DNAJC6: variants seen among roughly 807,000 people sequenced by gnomAD.
DNAJC6 encodes DnaJ heat shock protein family (Hsp40) member C6.
A neutral mutation model predicts 110.0 loss-of-function variants in DNAJC6; 34 were observed. The observed-to-expected ratio is 0.31, with a 90% CI of 0.24 to 0.41. The LOEUF (loss-of-function observed/expected upper bound fraction) is 0.41. Among genes scored for constraint, DNAJC6 ranks in the 10% least tolerant of loss-of-function variants. The probability of loss-of-function intolerance (pLI) is 1.00; values close to 1 mark genes in which losing one functional copy is unlikely to be tolerated. For synonymous variants in DNAJC6, 406 were observed against 437.2 expected (o/e 0.93, Z 0.89); for missense variants, 1,031 against 1,207.8 (o/e 0.85, Z 2.17).
intron 13 of DNAJC6, 126 bp from the exon 14 acceptor site, chr1:65,398,687 G>C: frequency 1.2e-6 from 1 of 833,184 alleles, no homozygotes; most frequent in Non-Finnish European, 1.9e-6. Flanking sequence ...AAGGAGGAGT[G>C]GATATCTTGG....
chr1:65,311,117 G>A (rs1645095137), intron 1 of DNAJC6, among the ~76,000 whole-genome samples: 1 of 150,462 alleles, frequency 6.6e-6, no homozygotes, highest in Non-Finnish European at 1.5e-5. Flanking sequence ...ACTCATTGAA[G>A]CTCTTATTGA....
At chr1:65,277,891 C>G in intron 1 of DNAJC6, among the ~76,000 whole-genome samples, 1 of 152,154 alleles carries the variant, frequency 6.6e-6, no homozygotes. Context: ...TAAGCAAGAG[C>G]TTCCAAGTAA....
chr1:65,393,673 C>A (rs2101616074), intron 12 of DNAJC6, among the ~76,000 whole-genome samples: 1 of 152,188 alleles, frequency 6.6e-6, no homozygotes. Context: ...GTTGGGTAAG[C>A]AGAGATCCAG....
chr1:65,364,935 A>G (rs1645632035), intron 2 of DNAJC6, 150 bp downstream of exon 2: 8 of 1,142,754 alleles, frequency 7.0e-6, no homozygotes, highest in Non-Finnish European at 8.7e-6. Flanking sequence ...TTGAAGACAT[A>G]AAGTTAAGTC....
chr1:65,296,055 G>A (rs1328965173), intron 1 of DNAJC6, among the ~76,000 whole-genome samples: 1 of 152,138 alleles, frequency 6.6e-6, no homozygotes, highest in Non-Finnish European at 1.5e-5. Context: ...GCAGTCTTCT[G>A]CCTTCTTTTG....
intron 1 of DNAJC6, among the ~76,000 whole-genome samples, chr1:65,313,291 G>C (rs1645119471): frequency 6.6e-6 from 1 of 151,434 alleles, no homozygotes; most frequent in Non-Finnish European, 1.5e-5. Flanking sequence ...AAACTCCTGG[G>C]CTCAAGCGAT....
chr1:65,346,074 C>T (rs551167321), intron 1 of DNAJC6, among the ~76,000 whole-genome samples: 1 of 152,258 alleles, frequency 6.6e-6, no homozygotes, highest in South Asian at 2.1e-4. Context: ...CTAGGATTCA[C>T]CTTCAGACTG....
intron 17 of DNAJC6, among the ~76,000 whole-genome samples, chr1:65,410,761 G>A (rs541493705): frequency 2.6e-5 from 4 of 152,288 alleles, no homozygotes; most frequent in East Asian, 3.9e-4. Context: ...ATTTGGTTCC[G>A]AGATACAGTG....
intron 13 of DNAJC6, among the ~76,000 whole-genome samples, chr1:65,395,544 T>C (rs1570369739): frequency 6.6e-6 from 1 of 152,204 alleles, no homozygotes; most frequent in African/African-American, 2.4e-5. Context: ...GTGGCTAGTC[T>C]GATTTGAGAT....
chr1:65,264,896 G>A, exon 1 of DNAJC6: 1 of 1,613,280 alleles, frequency 6.2e-7, no homozygotes, highest in Non-Finnish European at 8.5e-7. Context: ...TTGCAGCAGA[G>A]GGAGGAAGCA....
chr1:65,286,764 T>G (rs1654032259), intron 1 of DNAJC6, among the ~76,000 whole-genome samples: 1 of 152,206 alleles, frequency 6.6e-6, no homozygotes, highest in Admixed American at 6.5e-5. Context: ...TATTTATCTT[T>G]TACCATGTGC....
chr1:65,273,296 C>T (rs1009870758), intron 1 of DNAJC6, among the ~76,000 whole-genome samples: 2 of 152,124 alleles, frequency 1.3e-5, no homozygotes, highest in Non-Finnish European at 2.9e-5. Context: ...TTTAAGGCTA[C>T]ACATTAATAT....
chr1:65,395,418 G>A (rs1450633598), intron 13 of DNAJC6, among the ~76,000 whole-genome samples: 1 of 152,130 alleles, frequency 6.6e-6, no homozygotes, highest in East Asian at 1.9e-4. Flanking sequence ...TGAAATGTGG[G>A]AAAATATGTC....
chr1:65,350,609 A>G (rs1292128628), intron 1 of DNAJC6, among the ~76,000 whole-genome samples: 1 of 152,160 alleles, frequency 6.6e-6, no homozygotes, highest in Non-Finnish European at 1.5e-5. Flanking sequence ...TTTATTCTGG[A>G]AGACAGTTAA....
At chr1:65,384,442 G>A in intron 6 of DNAJC6, 116 bp downstream of exon 6, 1 of 1,065,572 alleles carries the variant, frequency 9.4e-7, no homozygotes, top group African/African-American at 1.6e-5. Context: ...CTCTGTATTA[G>A]TCCATTTTAA....
intron 1 of DNAJC6, among the ~76,000 whole-genome samples, chr1:65,299,777 C>T (rs772089699): frequency 8.5e-5 from 13 of 152,150 alleles, no homozygotes; most frequent in African/African-American, 2.9e-4. Context: ...TGTCCAGGCA[C>T]GGTGGCTCAT....
rs1177331056 is a variant in DNAJC6 at position 65,414,708 on chromosome 1, C to A, written c.*1683C>A. ...ACAGTCATAAACTGTTCAAGGTAAC[C>A]ATAACAAACTAGGTGTTATTTATTA... On this transcript the variant is annotated 3_prime_UTR_variant, in exon 19 of 19. Coordinates refer to ENST00000371069, the MANE Select transcript of DNAJC6 (RefSeq NM_001256864.2). 1 of 152,478 alleles carries A rather than the reference C, an allele frequency of 6.6e-6. No homozygotes were observed. The highest frequency in any genetic ancestry group is 1.5e-5 in the Non-Finnish European group (1 of 68,006). The allele number at this position is 152,478 out of a possible 1,614,324, so 9.4% of individuals were successfully genotyped here.
chr1:65,291,715 G>A lies in DNAJC6; in HGVS notation c.-131+26783G>A, dbSNP rs1334123941. Reference sequence around the variant, plus strand: ...CTGTTAAGGGTCAGATACTCTGCTGGGTGCTGTAAATATCACCTATCATTC... The same window carrying A: ...CTGTTAAGGGTCAGATACTCTGCTGAGTGCTGTAAATATCACCTATCATTC... On this transcript the variant is annotated intron_variant, in intron 1 of 19. Coordinates refer to the DNAJC6 transcript ENST00000263441. Among the ~76,000 whole-genome samples the A allele has an allele frequency of 3.9e-5, 6 of 152,074 alleles. No homozygotes were observed. The East Asian group carries it at 5.8e-4, about 15-fold the overall frequency.
chr1:65,280,498 C>T (rs1315427227), intron 1 of DNAJC6, among the ~76,000 whole-genome samples: 5 of 152,126 alleles, frequency 3.3e-5, no homozygotes, highest in Admixed American at 2.6e-4. Context: ...AATATGTTTA[C>T]GTGTTAGGAG....
Sources: allele counts gnomAD v4.1 joint callset (sites outside exome capture counted in the v4.1 genomes callset), GRCh38; gene constraint gnomAD v4.1.1; transcripts MANE v1.5; gene names NCBI Gene and HGNC (gene_info 2026-07-23, HGNC 2026-07-21).